The following RBFOX1 variants were observed in gnomAD, a reference collection of about 807,000 sequenced individuals.
The protein encoded by RBFOX1 is RNA binding fox-1 homolog 1.
A neutral mutation model predicts 57.7 loss-of-function variants in RBFOX1; 8 were observed. The ratio of observed to expected loss-of-function variants is 0.14; its 90% CI spans 0.08 to 0.25. The LOEUF is 0.25. Among genes scored for constraint, RBFOX1 ranks in the 10% least tolerant of loss-of-function variants. The probability of loss-of-function intolerance (pLI) is 1.00; values close to 1 mark genes in which losing one functional copy is unlikely to be tolerated. For synonymous variants in RBFOX1, 326 were observed against 222.4 expected, an observed-to-expected ratio of 1.47 and a Z score of -4.15; for missense variants, 611 against 548.5, an observed-to-expected ratio of 1.11 and a Z score of -1.14.
intron 2 of RBFOX1, among the ~76,000 whole-genome samples, chr16:6,380,584 A>C (rs1388365394): frequency 6.6e-6 from 1 of 151,880 alleles, no homozygotes; most frequent in East Asian, 1.9e-4. Context: ...CCATTTGATC[A>C]AATCCTGGTG....
At chr16:6,943,381 A>G (rs2078899169) in intron 3 of RBFOX1, among the ~76,000 whole-genome samples, 1 of 152,178 alleles carries the variant, frequency 6.6e-6, no homozygotes, top group Admixed American at 6.5e-5. Flanking sequence ...AGCTAGCTTA[A>G]TAGACAGACA....
chr16:6,217,628 G>C (rs146909065), intron 1 of RBFOX1, among the ~76,000 whole-genome samples: 2 of 152,118 alleles, frequency 1.3e-5, no homozygotes, highest in African/African-American at 2.4e-5. Context: ...GCATGTTGAC[G>C]GGCTGAGTAA....
At chr16:6,542,295 T>C (rs1460718850) in intron 2 of RBFOX1, among the ~76,000 whole-genome samples, 2 of 151,922 alleles carry the variant, frequency 1.3e-5, no homozygotes, top group Non-Finnish European at 2.9e-5. Flanking sequence ...ACTTATCTGT[T>C]TCTTTTCTCT....
chr16:6,440,481 A>G (rs1400298960), intron 2 of RBFOX1, among the ~76,000 whole-genome samples: 1 of 152,136 alleles, frequency 6.6e-6, no homozygotes, highest in Non-Finnish European at 1.5e-5. Flanking sequence ...AAATTAGGAA[A>G]GAGACTATAT....
intron 14 of RBFOX1, among the ~76,000 whole-genome samples, chr16:7,690,711 C>A (rs554487741): frequency 6.6e-6 from 1 of 152,038 alleles, no homozygotes. Context: ...CGGAGACATT[C>A]GTCTCTTTGA....
chr16:5,363,779 C>T (rs1194008900), intron 1 of RBFOX1, among the ~76,000 whole-genome samples: 1 of 152,188 alleles, frequency 6.6e-6, no homozygotes, highest in Non-Finnish European at 1.5e-5. Flanking sequence ...TTACCAGGGC[C>T]AGAAGGGTCA....
intron 3 of RBFOX1, among the ~76,000 whole-genome samples, chr16:6,961,092 G>A (rs533616002): frequency 2.7e-5 from 4 of 147,712 alleles, no homozygotes; most frequent in East Asian, 2.0e-4. Flanking sequence ...GCAGTGAGCC[G>A]AGATCATGCC....
intron 2 of RBFOX1, among the ~76,000 whole-genome samples, chr16:5,500,437 G>A (rs1204424924): frequency 6.6e-6 from 1 of 152,024 alleles, no homozygotes; most frequent in Non-Finnish European, 1.5e-5. Flanking sequence ...TGCCCAGGCT[G>A]TCTTGAACTC....
intron 4 of RBFOX1, among the ~76,000 whole-genome samples, chr16:7,500,857 C>A (rs80129544): frequency 0.023 from 3,558 of 152,250 alleles, 114 homozygotes; most frequent in African/African-American, 0.081. Flanking sequence ...GAGAGGGACC[C>A]GGTGGGAGGT....
chr16:7,651,140 C>A (rs747887342), intron 11 of RBFOX1, among the ~76,000 whole-genome samples: 1 of 152,206 alleles, frequency 6.6e-6, no homozygotes, highest in Admixed American at 6.5e-5. Context: ...CTGGGTTCTA[C>A]AATCCTCGTA....
At chr16:7,180,968 T>C (rs922425158) in intron 4 of RBFOX1, among the ~76,000 whole-genome samples, 9 of 152,220 alleles carry the variant, frequency 5.9e-5, no homozygotes, top group African/African-American at 1.9e-4. Flanking sequence ...AGCTTTGCAG[T>C]TGTAGAGAAA....
intron 4 of RBFOX1, among the ~76,000 whole-genome samples, chr16:7,418,044 A>C (rs566090921): frequency 1.3e-5 from 2 of 152,194 alleles, no homozygotes; most frequent in Admixed American, 1.3e-4. Context: ...TTCAGATCAC[A>C]TTCAGTCACT....
intron 2 of RBFOX1, among the ~76,000 whole-genome samples, chr16:6,499,797 C>T (rs549627990): frequency 3.9e-5 from 6 of 152,068 alleles, no homozygotes; most frequent in Admixed American, 6.6e-5. Flanking sequence ...GTCCCAGTCT[C>T]CAGTCATTAG....
At chr16:5,722,162 A>G (rs2051960616) in intron 3 of RBFOX1, among the ~76,000 whole-genome samples, 1 of 152,230 alleles carries the variant, frequency 6.6e-6, no homozygotes, top group Non-Finnish European at 1.5e-5. Context: ...CAAGTCCTAT[A>G]AAATGAAAAT....
intron 3 of RBFOX1, among the ~76,000 whole-genome samples, chr16:6,896,749 T>A (rs1274789633): frequency 6.6e-6 from 1 of 152,182 alleles, no homozygotes; most frequent in South Asian, 2.1e-4. Flanking sequence ...GTCTGTGGAT[T>A]GCTCCCAAGA....
At chr16:6,148,593 G>C (rs1267558184) in intron 1 of RBFOX1, among the ~76,000 whole-genome samples, 1 of 152,134 alleles carries the variant, frequency 6.6e-6, no homozygotes, top group African/African-American at 2.4e-5. Context: ...CTAGGTAGTA[G>C]ATGAATCCCC....
At chr16:6,829,778 T>A (rs901069883) in intron 3 of RBFOX1, among the ~76,000 whole-genome samples, 30 of 151,960 alleles carry the variant, frequency 2.0e-4, no homozygotes, top group African/African-American at 7.0e-4. Flanking sequence ...ATTTTTGCAT[T>A]TGTAGTAGAA....
chr16:6,150,728 T>G (rs2096791622), intron 1 of RBFOX1, among the ~76,000 whole-genome samples: 1 of 152,166 alleles, frequency 6.6e-6, no homozygotes, highest in African/African-American at 2.4e-5. Flanking sequence ...GCATGAGAGC[T>G]GGGGAATGGG....
intron 4 of RBFOX1, among the ~76,000 whole-genome samples, chr16:7,185,590 T>A (rs1396769370): frequency 6.6e-6 from 1 of 152,204 alleles, no homozygotes; most frequent in Non-Finnish European, 1.5e-5. Context: ...ACCCTGCCAC[T>A]TTTATTACAC....
Sources: allele counts gnomAD v4.1 joint callset (sites outside exome capture counted in the v4.1 genomes callset), GRCh38; gene constraint gnomAD v4.1.1; transcripts MANE v1.5; gene names NCBI Gene and HGNC (gene_info 2026-07-23, HGNC 2026-07-21).